Variants in CASK observed in about 807,000 individuals in gnomAD.
The protein encoded by CASK is calcium/calmodulin dependent serine protein kinase.
CASK carries 4 observed loss-of-function variants against 82.9 expected under a neutral mutation model. That is an observed-to-expected ratio of 0.05 (90% confidence interval 0.02 to 0.11). The LOEUF (loss-of-function observed/expected upper bound fraction) is 0.11, where lower values mean the gene tolerates loss of function less well. CASK is among the 10% of genes least tolerant of loss of function. The pLI is 1.00. For missense variants in CASK, 358 were observed against 720.9 expected (o/e 0.50, Z 5.76); for synonymous variants, 259 against 253.5 (o/e 1.02, Z -0.20).
chrX:41,641,541 G>A (rs1440920562), intron 8 of CASK, among the ~76,000 whole-genome samples: 1 of 111,561 alleles, frequency 9.0e-6, no homozygotes, highest in Non-Finnish European at 1.9e-5. Flanking sequence ...TTCACACCAA[G>A]TATCATTAAT....
At chrX:41,802,589 A>G (rs2070023110) in intron 2 of CASK, among the ~76,000 whole-genome samples, 1 of 112,445 alleles carries the variant, frequency 8.9e-6, no homozygotes, top group African/African-American at 3.2e-5. Flanking sequence ...AAAAAGGCCC[A>G]CAGTAAAGCA....
At chrX:41,772,852 T>C (rs2069271823) in intron 3 of CASK, among the ~76,000 whole-genome samples, 1 of 110,266 alleles carries the variant, frequency 9.1e-6, no homozygotes, top group Non-Finnish European at 1.9e-5. Context: ...ATACAAAAAA[T>C]TAGCCAGGCG....
chrX:41,694,878 A>C (rs1482337971), intron 5 of CASK, among the ~76,000 whole-genome samples: 1 of 111,997 alleles, frequency 8.9e-6, no homozygotes, highest in East Asian at 2.8e-4. Flanking sequence ...ACCACAAGTC[A>C]CACGCCATGT....
intron 5 of CASK, chrX:41,729,804 A>ATATATATG (rs1556036709): frequency 1.1e-5 from 1 of 92,784 alleles, no homozygotes; most frequent in Non-Finnish European, 2.3e-5. Context: ...ATATATATAT[A>ATATATATG]TATGTATGTA....
chrX:41,904,714 G>A (rs2072440155), intron 1 of CASK, among the ~76,000 whole-genome samples: 1 of 111,319 alleles, frequency 9.0e-6, no homozygotes, highest in South Asian at 3.8e-4. Flanking sequence ...CAGGTAATCA[G>A]CATAGTATCC....
chrX:41,675,822 A>G, intron 5 of CASK: 1 of 1,200,383 alleles, frequency 8.3e-7, no homozygotes, highest in South Asian at 1.8e-5. Flanking sequence ...CACAATGTCA[A>G]GTTGTCTCTC....
chrX:41,700,424 T>G (rs1432298493), intron 5 of CASK, among the ~76,000 whole-genome samples: 1 of 110,930 alleles, frequency 9.0e-6, no homozygotes, highest in Non-Finnish European at 1.9e-5. Flanking sequence ...GTTTTCAAAA[T>G]ATAATACTTT....
At chrX:41,866,490 T>C (rs1293544499) in intron 1 of CASK, among the ~76,000 whole-genome samples, 1 of 112,279 alleles carries the variant, frequency 8.9e-6, no homozygotes, top group Non-Finnish European at 1.9e-5. Context: ...CTACTCTGCT[T>C]TCTTCCCAAC....
intron 3 of CASK, among the ~76,000 whole-genome samples, chrX:41,785,344 G>A (rs750491307): frequency 1.8e-5 from 2 of 112,128 alleles, no homozygotes; most frequent in Admixed American, 1.9e-4. Context: ...AAAAGATTTT[G>A]AAGGCTGTGT....
At chrX:41,750,449 C>T (rs777248339) in intron 3 of CASK, among the ~76,000 whole-genome samples, 1 of 111,233 alleles carries the variant, frequency 9.0e-6, no homozygotes, top group East Asian at 2.8e-4. Context: ...TCAAGAACCC[C>T]CAAAGAACAC....
chrX:41,717,916 T>G (rs1008214630), intron 5 of CASK, among the ~76,000 whole-genome samples: 4 of 112,405 alleles, frequency 3.6e-5, no homozygotes, highest in African/African-American at 1.3e-4. Context: ...TCTTTTTGTA[T>G]GCTAATGAGG....
At chrX:41,645,904 C>G (rs1297339491) in intron 8 of CASK, among the ~76,000 whole-genome samples, 2 of 110,954 alleles carry the variant, frequency 1.8e-5, no homozygotes, top group Non-Finnish European at 3.8e-5. Flanking sequence ...CTTATTCGAC[C>G]TCTCACCTAG....
intron 4 of CASK, among the ~76,000 whole-genome samples, chrX:41,743,939 C>T (rs2068639431): frequency 9.1e-6 from 1 of 110,038 alleles, no homozygotes; most frequent in South Asian, 4.0e-4. Flanking sequence ...GAAACCCCAT[C>T]TCTATTAAAA....
intron 2 of CASK, among the ~76,000 whole-genome samples, chrX:41,790,028 C>A (rs997128904): frequency 1.8e-5 from 2 of 111,865 alleles, no homozygotes; most frequent in Non-Finnish European, 3.8e-5. Flanking sequence ...CTCCCAGGTT[C>A]AAGAGATTCT....
At chrX:41,898,965 ATCTGCTAT>A (rs2072319898) in intron 1 of CASK, among the ~76,000 whole-genome samples, 1 of 111,744 alleles carries the variant, frequency 8.9e-6, no homozygotes, top group African/African-American at 3.2e-5. Flanking sequence ...TGTAGTACAA[ATCTGCTAT>A]TTCCTTATTG....
At chrX:41,580,412 C>T (rs773352965) in intron 14 of CASK, among the ~76,000 whole-genome samples, 2 of 111,115 alleles carry the variant, frequency 1.8e-5, no homozygotes, top group Non-Finnish European at 3.8e-5. Context: ...AACTCCTGAG[C>T]TCATGCAATT....
At chrX:41,572,738 A>G (rs2065431384) in intron 15 of CASK, among the ~76,000 whole-genome samples, 1 of 112,166 alleles carries the variant, frequency 8.9e-6, no homozygotes, top group Non-Finnish European at 1.9e-5. Flanking sequence ...AAGAACTTAT[A>G]GATTTACCCA....
At chrX:41,730,386 A>C (rs937839659) in intron 5 of CASK, among the ~76,000 whole-genome samples, 10 of 111,390 alleles carry the variant, frequency 9.0e-5, no homozygotes, top group Middle Eastern at 4.2e-3. Context: ...CACACACACA[A>C]AAACCCAGTA....
chrX:41,810,314 A>T (rs113490327), intron 2 of CASK, among the ~76,000 whole-genome samples: 226 of 112,400 alleles, frequency 2.0e-3, no homozygotes, highest in African/African-American at 7.1e-3. Context: ...GAAGGAAAAA[A>T]TGCTAAGGGC....
Sources: allele counts gnomAD v4.1 joint callset (sites outside exome capture counted in the v4.1 genomes callset), GRCh38; gene constraint gnomAD v4.1.1; transcripts MANE v1.5; gene names NCBI Gene and HGNC (gene_info 2026-07-23, HGNC 2026-07-21).